The following GTPBP8 variants were observed in gnomAD, a reference collection of about 807,000 sequenced individuals.
GTPBP8 encodes GTP-binding protein 8.
Under a neutral mutation model 27.3 loss-of-function variants are expected in GTPBP8, and 21 were observed. The observed-to-expected ratio is 0.77, with a 90% CI of 0.55 to 1.11. The LOEUF (loss-of-function observed/expected upper bound fraction) is 1.11, where lower values mean the gene tolerates loss of function less well. Ranked by LOEUF, GTPBP8 falls within the 50% of genes least tolerant of loss-of-function variation. The pLI, the probability that GTPBP8 is intolerant of heterozygous loss-of-function variation, is 0.00. For synonymous variants in GTPBP8, 147 were observed against 135.3 expected (o/e 1.09, Z -0.60); for missense variants, 380 against 350.8 (o/e 1.08, Z -0.67).
intron 5 of GTPBP8, 45 bp from the exon 6 acceptor site, chr3:113,000,805 A>G (rs185266260): frequency 2.2e-5 from 25 of 1,149,502 alleles, no homozygotes; most frequent in Middle Eastern, 4.3e-4. Context: ...TTCAGATGTT[A>G]TATCTGAGGA....
intron 5 of GTPBP8, 110 bp downstream of exon 5, chr3:112,999,674 GA>G (rs1197445272): frequency 1.1e-4 from 65 of 611,666 alleles, no homozygotes; most frequent in Non-Finnish European, 1.2e-5. Flanking sequence ...TGGTTGCATG[GA>G]AAAGTTCTTT....
chr3:112,999,801 A>G lies in GTPBP8; in HGVS notation c.785+237A>G, dbSNP rs543420234. ...CTTTCCCCATGAATCCCCAAAGTCC[A>G]TTATATCATTCTTATGCATTTGTGT... On this transcript the variant is annotated intron_variant, in intron 5 of 5. Coordinates refer to ENST00000383678, the MANE Select transcript of GTPBP8 (RefSeq NM_014170.4). Among the ~76,000 whole-genome samples, 15 of 152,120 alleles carry G rather than the reference A, an allele frequency of 9.9e-5. No homozygotes were observed. In the South Asian group the frequency reaches 2.9e-3, roughly 30 times the overall value.
Position 112,999,534 on chromosome 3 carries a change from A to C in GTPBP8, c.755A>C (p.Gln252Pro), listed in dbSNP as rs1435061808. Reference sequence around the variant, plus strand: ...CAGAAATTTGTTAACATGAAAACTCAAGGATGTTTTCCTCAGTTGTTTCCT... The same window carrying C: ...CAGAAATTTGTTAACATGAAAACTCCAGGATGTTTTCCTCAGTTGTTTCCT... ...QIQKFVNMKT[Q>P]GCFPQLFPVS... The change falls in exon 5 of 6, where the codon CAA becomes CCA. Residue 252 changes from glutamine to proline, a missense_variant. Gln to Pro is a moderately conservative substitution (Grantham distance 76). Transcript: ENST00000383678. The C allele has an allele frequency of 6.8e-7, 1 of 1,472,932 alleles. No individual in the cohort carries two copies. The highest frequency in any genetic ancestry group is 9.3e-7 in the Non-Finnish European group (1 of 1,070,648). The allele number at this position is 1,472,932 out of a possible 1,614,324, so 91.2% of individuals were successfully genotyped here.
chr3:112,997,049 G>C lies in GTPBP8; in HGVS notation c.666+58G>C, dbSNP rs927998000. 4 of 787,566 alleles carry C rather than the reference G, an allele frequency of 5.1e-6. No individual in the cohort carries two copies. In the African/African-American group the frequency reaches 5.2e-5, roughly 10 times the overall value. 48.8% of individuals were successfully genotyped at this position (787,566 alleles called of 1,614,324 possible). ...AGAAATATCAGTTCTACGTGCATCT[G>C]TGTGAACATGCACCTTTTAACAATT... On this transcript the variant is annotated intron_variant, in intron 4 of 5. Transcript: ENST00000383678.
chr3:112,991,486 G>A, intron 1 of GTPBP8, 151 bp downstream of exon 1: 1 of 748,754 alleles, frequency 1.3e-6, no homozygotes, highest in Non-Finnish European at 2.4e-6. Flanking sequence ...ATATGTCGAT[G>A]CTCCCTGTAC....
At chr3:112,992,202 AT>A (rs1342408874) in intron 1 of GTPBP8, 1 of 152,234 alleles carries the variant, frequency 6.6e-6, no homozygotes, top group Non-Finnish European at 1.5e-5. Context: ...TTAGCATTAG[AT>A]TTGCTCTGGC....
At chr3:112,991,738 A>G in intron 1 of GTPBP8, 1 of 370,960 alleles carries the variant, frequency 2.7e-6, no homozygotes, top group South Asian at 2.1e-5. Context: ...TAGGGAAAAC[A>G]TGCCAGACAA....
chr3:112,995,079 A>G, intron 2 of GTPBP8, 56 bp from the exon 3 acceptor site: 2 of 1,299,024 alleles, frequency 1.5e-6, no homozygotes, highest in South Asian at 2.8e-5. Flanking sequence ...TTGAATCATT[A>G]ACTAGATGGA....
At chr3:112,993,196 G>A in intron 2 of GTPBP8, 72 bp downstream of exon 2, 3 of 798,338 alleles carry the variant, frequency 3.8e-6, no homozygotes, top group Non-Finnish European at 6.3e-6. Context: ...ATGCTGGAAG[G>A]TATAAGAAAT....
Position 113,001,659 on chromosome 3 carries a change from T to C in GTPBP8, c.*740T>C, listed in dbSNP as rs1332948878. 2 of 152,170 alleles carry C rather than the reference T, an allele frequency of 1.3e-5. No homozygotes were observed. Among genetic ancestry groups the C allele is most frequent in the African/African-American group, 4.8e-5 (2 of 41,448 alleles). The allele number at this position is 152,170 out of a possible 1,614,324, so 9.4% of individuals were successfully genotyped here. On this transcript the variant is annotated 3_prime_UTR_variant, in exon 6 of 6. Transcript: ENST00000383678. ...AAATATAGCAAAATTCACAGGTAGATTTATTACAAGAAATGTCCTTTCATG... is the reference window on the plus strand; with the variant it reads ...AAATATAGCAAAATTCACAGGTAGACTTATTACAAGAAATGTCCTTTCATG...
rs750610466 is a variant in GTPBP8 at position 112,991,159 on chromosome 3, G to A, written c.160G>A (p.Val54Ile). The A allele has an allele frequency of 5.0e-6, 8 of 1,614,042 alleles. No individual in the cohort carries two copies. In the Admixed American group the frequency reaches 5.0e-5, roughly 10 times the overall value. The change falls in exon 1 of 6, where the codon GTA becomes ATA. Residue 54 changes from valine to isoleucine, a missense_variant. Val to Ile is a conservative substitution (Grantham distance 29, BLOSUM62 3). Transcript: ENST00000383678. ...GAAGCTGCTGTACCCGCTGCAGGAA[G>A]TAGAGCGGTTCCTCGCCCCCTACGG... ...LRKLLYPLQE[V>I]ERFLAPYGRQ...
At chr3:112,993,000 ACTTAT>A (rs899537878) in intron 1 of GTPBP8, 21 bp from the exon 2 acceptor site, 2 of 1,281,318 alleles carry the variant, frequency 1.6e-6, no homozygotes, top group Non-Finnish European at 1.1e-6. Flanking sequence ...GCTAGTACGT[ACTTAT>A]CTTGTTTTTT....
rs1933920703 is a variant in GTPBP8 at position 113,001,832 on chromosome 3, G to C, written c.*913G>C. On this transcript the variant is annotated 3_prime_UTR_variant, in exon 6 of 6. Coordinates refer to ENST00000383678, the MANE Select transcript of GTPBP8 (RefSeq NM_014170.4). ...TTCAGAATGGAAAAATAAAGCCTTT[G>C]AACTAAAGTTAATAGAGAAGATTTT... The C allele has an allele frequency of 6.6e-6, 1 of 152,184 alleles. No homozygotes were observed. Among genetic ancestry groups the C allele is most frequent in the African/African-American group, 2.4e-5 (1 of 41,460 alleles). 9.4% of individuals were successfully genotyped at this position (152,184 alleles called of 1,614,324 possible).
At chr3:112,996,572 C>T (rs1287753921) in intron 3 of GTPBP8, among the ~76,000 whole-genome samples, 1 of 152,030 alleles carries the variant, frequency 6.6e-6, no homozygotes, top group African/African-American at 2.4e-5. Context: ...TCTCTTTCTC[C>T]TCCTCGAGTT....
rs1559711896 is a variant in GTPBP8 at position 112,999,559 on chromosome 3, T to C, written c.780T>C (p.Pro260=). The C allele has an allele frequency of 5.7e-6, 7 of 1,230,882 alleles. No individual in the cohort carries two copies. The highest frequency in any genetic ancestry group is 1.5e-5 in the African/African-American group (1 of 66,428). The allele number at this position is 1,230,882 out of a possible 1,614,324, so 76.2% of individuals were successfully genotyped here. ...AAGGATGTTTTCCTCAGTTGTTTCC[T>C]GTAAGGTAAGAGTTGAATTGTTTTG... ...KTQGCFPQLF[P]VSAVTFSGIH... is the part of the protein sequence containing the mutation. Residue 260 remains proline, a synonymous_variant, in exon 5 of 6, where the codon CCT becomes CCC. Coordinates refer to ENST00000383678, the MANE Select transcript of GTPBP8 (RefSeq NM_014170.4).
chr3:112,991,292 C>T lies in GTPBP8; in HGVS notation c.293C>T (p.Ser98Phe), dbSNP rs768520603. 38 of 1,613,234 alleles carry T rather than the reference C, an allele frequency of 2.4e-5. No individual in the cohort carries two copies. Among genetic ancestry groups the T allele is most frequent in the Non-Finnish European group, 3.0e-5 (35 of 1,180,038 alleles). Residue 98 changes from serine to phenylalanine, a missense_variant, in exon 1 of 6, where the codon TCC becomes TTC. Physicochemically the swap from Ser to Phe is radical, Grantham distance 155 (BLOSUM62 -2). Transcript: ENST00000383678. ...TERNRIDYVS[S>F]AVRIDHAPDL... ...CGGAACCGCATCGACTACGTCAGCTCCGCCGTCCGTATCGACCACGCCCCG... is the reference window on the plus strand; with the variant it reads ...CGGAACCGCATCGACTACGTCAGCTTCGCCGTCCGTATCGACCACGCCCCG...
intron 1 of GTPBP8, 78 bp from the exon 2 acceptor site, chr3:112,992,948 G>A (rs1933711085): frequency 1.4e-6 from 1 of 716,836 alleles, no homozygotes; most frequent in South Asian, 1.8e-5. Flanking sequence ...AGCTGTGTTA[G>A]AATTTGAAGT....
chr3:112,993,032 T>C lies in GTPBP8; in HGVS notation c.343T>C (p.Phe115Leu), dbSNP rs1933712926. 1 of 1,592,490 alleles carries C rather than the reference T, an allele frequency of 6.3e-7. No individual in the cohort carries two copies. The highest frequency in any genetic ancestry group is 1.3e-5 in the African/African-American group (1 of 74,478). ...TTGTTTTTTCTTGTATAAGGTGTGT[T>C]TTATAGGCAGAAGCAATGTTGGAAA... ...APDLPRPEVC[F>L]IGRSNVGKSS... The change falls in exon 2 of 6, where the codon TTT becomes CTT. Residue 115 changes from phenylalanine to leucine, a missense_variant. Transcript: ENST00000383678.
intron 2 of GTPBP8, among the ~76,000 whole-genome samples, chr3:112,993,383 A>G (rs1375366401): frequency 6.6e-6 from 1 of 152,194 alleles, no homozygotes; most frequent in Non-Finnish European, 1.5e-5. Context: ...TGCCAAATAA[A>G]GTGTCTTATT....
Sources: allele counts gnomAD v4.1 joint callset (sites outside exome capture counted in the v4.1 genomes callset), GRCh38; gene constraint gnomAD v4.1.1; transcripts MANE v1.5; gene names NCBI Gene and HGNC (gene_info 2026-07-23, HGNC 2026-07-21).